CRADD: variants seen among roughly 807,000 people sequenced by gnomAD.
CRADD encodes the protein death domain-containing protein CRADD.
Under a neutral mutation model 15.5 loss-of-function variants are expected in CRADD, and 9 were observed. The observed-to-expected ratio is 0.58, with a 90% CI of 0.35 to 1.01. The LOEUF (loss-of-function observed/expected upper bound fraction) is 1.01. Ranked by LOEUF, CRADD falls within the 50% of genes least tolerant of loss-of-function variation. The pLI, the probability that CRADD is intolerant of heterozygous loss-of-function variation, is 0.02. For missense variants in CRADD, 227 were observed against 250.3 expected (o/e 0.91, Z 0.63); for synonymous variants, 118 against 107.6 (o/e 1.10, Z -0.60).
chr12:93,827,427 AT>A lies in CRADD; in HGVS notation c.299-22539del, dbSNP rs1957836599. ...CCTTTTTAATGTAGGACAGTATTTC[AT>A]TTTGCAGATATGCCATAGTTTGTTT... On this transcript the variant is annotated intron_variant, in intron 2 of 2. Coordinates refer to ENST00000332896, the MANE Select transcript of CRADD (RefSeq NM_003805.5). 5.3e-5 allele frequency among the ~76,000 whole-genome samples: 8 copies of A among 152,130 alleles called. No individual in the cohort carries two copies. In the South Asian group the frequency reaches 1.7e-3, roughly 32 times the overall value.
At chr12:93,862,342 C>T (rs546545149) in intron 2 of CRADD, among the ~76,000 whole-genome samples, 1 of 152,324 alleles carries the variant, frequency 6.6e-6, no homozygotes, top group East Asian at 1.9e-4. Flanking sequence ...TCCAAGGCAA[C>T]ATTGAAGTAA....
At chr12:93,867,487 A>C (rs10083004) in intron 2 of CRADD, among the ~76,000 whole-genome samples, 1,962 of 150,004 alleles carry the variant, frequency 0.013, 52 homozygotes, top group African/African-American at 0.046. Context: ...CTTAATGACT[A>C]CTTTTTTTAA....
chr12:93,823,419 T>G (rs1454533586), intron 2 of CRADD, among the ~76,000 whole-genome samples: 1 of 152,190 alleles, frequency 6.6e-6, no homozygotes, highest in African/African-American at 2.4e-5. Context: ...GATTAATGGA[T>G]TAATAAGTTA....
At chr12:93,735,125 C>T (rs1037269444) in intron 2 of CRADD, among the ~76,000 whole-genome samples, 4 of 152,134 alleles carry the variant, frequency 2.6e-5, no homozygotes, top group African/African-American at 9.7e-5. Flanking sequence ...CTCCTGTAGG[C>T]CCTCCAAAAT....
At chr12:93,861,385 G>A (rs114751526) in intron 2 of CRADD, among the ~76,000 whole-genome samples, 244 of 152,368 alleles carry the variant, frequency 1.6e-3, no homozygotes, top group African/African-American at 5.4e-3. Context: ...GATGGCCATA[G>A]TGAAGTGTGG....
chr12:93,812,936 C>T (rs939198708), intron 2 of CRADD, among the ~76,000 whole-genome samples: 7 of 152,120 alleles, frequency 4.6e-5, no homozygotes, highest in Admixed American at 3.3e-4. Context: ...TGAGAATTGC[C>T]CCAGTAGAAT....
intron 2 of CRADD, among the ~76,000 whole-genome samples, chr12:93,818,337 A>G (rs527610453): frequency 1.3e-5 from 2 of 152,316 alleles, no homozygotes; most frequent in Admixed American, 1.3e-4. Context: ...TACCTAGTGA[A>G]AAGGCAGCCT....
chr12:93,784,597 T>A (rs1239126746), intron 2 of CRADD, among the ~76,000 whole-genome samples: 1 of 152,050 alleles, frequency 6.6e-6, no homozygotes, highest in Non-Finnish European at 1.5e-5. Context: ...TAAAACCCTT[T>A]GTTCTGTGTC....
In CRADD at chr12:93,807,363, G is replaced by A. The variant is rs149350388; in HGVS notation, c.299-42607G>A. ...TGCTCCCCATGTCAGGTGTGTGGAG[G>A]GTGCACCAAGGCTCATTCTGGTAGA... is the stretch of plus-strand genomic sequence containing the variant. On this transcript the variant is annotated intron_variant, in intron 2 of 2. Transcript: ENST00000332896. Among the ~76,000 whole-genome samples the A allele has an allele frequency of 2.1e-3, 326 of 152,138 alleles. 1 individual carries two copies. The highest frequency in any genetic ancestry group is 3.7e-3 in the South Asian group (18 of 4,816).
chr12:93,692,031 T>C (rs1378960525), intron 2 of CRADD, among the ~76,000 whole-genome samples: 1 of 152,090 alleles, frequency 6.6e-6, no homozygotes, highest in Non-Finnish European at 1.5e-5. Flanking sequence ...GCACATGTAG[T>C]CCAGGACTTA....
intron 2 of CRADD, among the ~76,000 whole-genome samples, chr12:93,813,927 C>T (rs1297568661): frequency 6.6e-6 from 1 of 152,102 alleles, no homozygotes; most frequent in Non-Finnish European, 1.5e-5. Context: ...ATCACCCTTT[C>T]CCCCAGCTAC....
At chr12:93,682,381 TATTA>T (rs1266997866) in intron 2 of CRADD, among the ~76,000 whole-genome samples, 2 of 152,216 alleles carry the variant, frequency 1.3e-5, no homozygotes, top group Non-Finnish European at 2.9e-5. Context: ...TGATCATACT[TATTA>T]ATTAATTTGT....
chr12:93,887,721 A>C (rs569189634), intron 2 of CRADD, among the ~76,000 whole-genome samples: 149 of 152,306 alleles, frequency 9.8e-4, no homozygotes, highest in African/African-American at 3.3e-3. Flanking sequence ...TGGCCTGAGC[A>C]CTTTAGTCAC....
chr12:93,746,175 C>T (rs1221862400), intron 2 of CRADD, among the ~76,000 whole-genome samples: 1 of 152,196 alleles, frequency 6.6e-6, no homozygotes, highest in Non-Finnish European at 1.5e-5. Flanking sequence ...TCACCATATT[C>T]ATAAAATGAT....
At chr12:93,755,796 T>C (rs1956883656) in intron 2 of CRADD, among the ~76,000 whole-genome samples, 3 of 152,198 alleles carry the variant, frequency 2.0e-5, no homozygotes, top group African/African-American at 7.2e-5. Context: ...TACTTTCTGA[T>C]GGTAATATTT....
chr12:93,723,838 C>T (rs376220042), intron 2 of CRADD, among the ~76,000 whole-genome samples: 5 of 152,200 alleles, frequency 3.3e-5, no homozygotes, highest in South Asian at 2.1e-4. Flanking sequence ...GGGACAGGGT[C>T]GCTAGACTCG....
chr12:93,786,525 C>A (rs1957279525), intron 2 of CRADD, among the ~76,000 whole-genome samples: 1 of 152,140 alleles, frequency 6.6e-6, no homozygotes, highest in African/African-American at 2.4e-5. Context: ...TCTTGATGGC[C>A]AGTTGCTCAC....
At chr12:93,811,927 T>C (rs1480565719) in intron 2 of CRADD, among the ~76,000 whole-genome samples, 1 of 152,210 alleles carries the variant, frequency 6.6e-6, no homozygotes, top group Admixed American at 6.5e-5. Flanking sequence ...CTGTGGTATG[T>C]CCATCTGTAT....
intron 2 of CRADD, among the ~76,000 whole-genome samples, chr12:93,756,981 TC>T (rs200206198): frequency 0.011 from 1,735 of 152,328 alleles, 39 homozygotes; most frequent in African/African-American, 0.039. Context: ...TATTTGCCAG[TC>T]TATTTGTTCA....
Sources: gnomAD v4.1 joint callset for allele counts (sites outside exome capture counted in the v4.1 genomes callset) on GRCh38, gnomAD v4.1.1 for gene constraint, MANE v1.5 for transcripts, NCBI Gene and HGNC (gene_info 2026-07-23, HGNC 2026-07-21) for gene names.